Variants in ALCAM observed in about 807,000 individuals in gnomAD.
ALCAM encodes the protein CD166 antigen.
ALCAM carries 30 observed loss-of-function variants against 70.9 expected under a neutral mutation model. That is an observed-to-expected ratio of 0.42 (90% confidence interval 0.32 to 0.57). ALCAM has a LOEUF of 0.57. Among genes scored for constraint, ALCAM ranks in the 20% least tolerant of loss-of-function variants. The pLI, the probability that ALCAM is intolerant of heterozygous loss-of-function variation, is 0.11. For missense variants in ALCAM, 591 were observed against 695.1 expected, an observed-to-expected ratio of 0.85 and a Z score of 1.68; for synonymous variants, 249 against 242.5, an observed-to-expected ratio of 1.03 and a Z score of -0.25.
At chr3:105,480,306 C>T (rs1938235771) in intron 1 of ALCAM, among the ~76,000 whole-genome samples, 3 of 151,836 alleles carry the variant, frequency 2.0e-5, no homozygotes, top group South Asian at 4.2e-4. Flanking sequence ...GCCGAGATCA[C>T]GCCATTGCAC....
intron 1 of ALCAM, among the ~76,000 whole-genome samples, chr3:105,377,227 T>C (rs1387091879): frequency 1.3e-5 from 2 of 152,158 alleles, no homozygotes; most frequent in Non-Finnish European, 2.9e-5. Context: ...TCATCATTAA[T>C]GTAACCATTT....
chr3:105,366,918 C>G lies in ALCAM; in HGVS notation c.-491C>G, dbSNP rs1935067947. On this transcript the variant is annotated 5_prime_UTR_variant, in exon 1 of 16. Transcript: ENST00000306107. The stretch of plus-strand genomic sequence containing the variant: ...TCCAGTCCCTCTACTCAGAGCAGCC[C>G]GGAGACCGCTGCCGCCGCTGCCGCT... 6.2e-6 allele frequency: 1 copy of G among 161,574 alleles called. No homozygotes were observed. The highest frequency in any genetic ancestry group is 1.4e-4 in the South Asian group (1 of 7,354). The allele number at this position is 161,574 out of a possible 1,614,324, so 10.0% of individuals were successfully genotyped here.
At chr3:105,480,836 T>C (rs918482737) in intron 1 of ALCAM, among the ~76,000 whole-genome samples, 8 of 152,196 alleles carry the variant, frequency 5.3e-5, no homozygotes, top group Admixed American at 5.2e-4. Context: ...ATATAAGTAC[T>C]ATTGTTTGTT....
chr3:105,464,399 G>A (rs890485324), intron 1 of ALCAM, among the ~76,000 whole-genome samples: 5 of 151,084 alleles, frequency 3.3e-5, no homozygotes, highest in Non-Finnish European at 7.4e-5. Context: ...TAACAAAGAC[G>A]TACAGGTGAC....
In ALCAM at chr3:105,454,653, ATTTTTTTTTTTTT is replaced by A. The variant is rs59389132; in HGVS notation, c.74-65392_74-65380del. 4.8e-3 allele frequency among the ~76,000 whole-genome samples: 294 copies of A among 61,824 alleles called. 1 individual carries two copies. The highest frequency in any genetic ancestry group is 0.019 in the African/African-American group (271 of 14,640). The allele number at this position is 61,824 out of a possible 152,430, so 40.6% of individuals were successfully genotyped here. A position where few individuals can be genotyped will look rare whatever the true frequency, so the allele number is the denominator to read the frequency against. On this transcript the variant is annotated intron_variant, in intron 1 of 15. Transcript: ENST00000306107. ...ATTGGCACATAGTAGATGCTCATTAATTTTTTTTTTTTTTTTTTTTTTTTTTTTTTTTTTGAGA... is the reference window on the plus strand; with the variant it reads ...ATTGGCACATAGTAGATGCTCATTAATTTTTTTTTTTTTTTTTTTTTGAGA...
chr3:105,500,745 T>G (rs991556134), intron 1 of ALCAM, among the ~76,000 whole-genome samples: 9 of 152,224 alleles, frequency 5.9e-5, no homozygotes, highest in Non-Finnish European at 1.0e-4. Context: ...CTTCTTTAGT[T>G]ACAGGATGAG....
chr3:105,540,153 T>G (rs1360358916), intron 7 of ALCAM, 51 bp downstream of exon 7: 1 of 1,566,902 alleles, frequency 6.4e-7, no homozygotes, highest in African/African-American at 1.4e-5. Context: ...TTTCCTGTTG[T>G]TTGACTTCTA....
intron 1 of ALCAM, among the ~76,000 whole-genome samples, chr3:105,435,014 T>C (rs1049603909): frequency 1.3e-5 from 2 of 152,190 alleles, no homozygotes; most frequent in Non-Finnish European, 2.9e-5. Flanking sequence ...TGCTATATTA[T>C]AGTCTTTGCC....
At chr3:105,425,572 G>A (rs187399052) in intron 1 of ALCAM, among the ~76,000 whole-genome samples, 579 of 151,930 alleles carry the variant, frequency 3.8e-3, no homozygotes, top group Non-Finnish European at 6.4e-3. Flanking sequence ...TAAAACTACA[G>A]ATGAAAGCAT....
At chr3:105,545,601 C>T (rs944976851) in intron 9 of ALCAM, among the ~76,000 whole-genome samples, 1 of 151,388 alleles carries the variant, frequency 6.6e-6, no homozygotes, top group Non-Finnish European at 1.5e-5. Flanking sequence ...ACACACCACA[C>T]GCATGTGTGC....
chr3:105,380,672 T>C (rs975590661), intron 1 of ALCAM, among the ~76,000 whole-genome samples: 1 of 151,914 alleles, frequency 6.6e-6, no homozygotes, highest in African/African-American at 2.4e-5. Flanking sequence ...TTTATTACAT[T>C]CTATAGAAAA....
At chr3:105,532,250 T>G (rs924850292) in intron 4 of ALCAM, among the ~76,000 whole-genome samples, 184 bp downstream of exon 4, 5 of 152,060 alleles carry the variant, frequency 3.3e-5, no homozygotes, top group African/African-American at 9.7e-5. Flanking sequence ...CAGGTAACCA[T>G]GAGGACATCA....
intron 14 of ALCAM, chr3:105,552,988 G>A (rs187736327): frequency 2.2e-4 from 224 of 1,013,660 alleles, no homozygotes; most frequent in Middle Eastern, 5.0e-4. Flanking sequence ...GACACATCTG[G>A]CCAGCAATGA....
In ALCAM at chr3:105,538,939, T is replaced by C. The variant is rs1940044938; in HGVS notation, c.731-1036T>C. Among the ~76,000 whole-genome samples the C allele has an allele frequency of 2.0e-5, 3 of 152,256 alleles. No individual in the cohort carries two copies. The South Asian group carries it at 6.2e-4, about 32-fold the overall frequency. On this transcript the variant is annotated intron_variant, in intron 6 of 15. Coordinates refer to ENST00000306107, the MANE Select transcript of ALCAM (RefSeq NM_001627.4). ...CTTCTAAGTTTTTTTATCTGCACTT[T>C]ATCTATAGAAAGGTAAATAAATGAC...
intron 1 of ALCAM, among the ~76,000 whole-genome samples, chr3:105,513,612 A>G (rs964626308): frequency 1.3e-5 from 2 of 151,966 alleles, no homozygotes; most frequent in Admixed American, 1.3e-4. Flanking sequence ...TGAGTGCAGT[A>G]GAATCTGCAT....
At chr3:105,547,803 A>G (rs1315329408) in intron 11 of ALCAM, among the ~76,000 whole-genome samples, 1 of 151,482 alleles carries the variant, frequency 6.6e-6, no homozygotes, top group Non-Finnish European at 1.5e-5. Context: ...AAAAGAATAT[A>G]AATTAGGTAT....
At chr3:105,502,172 C>G (rs534176506) in intron 1 of ALCAM, among the ~76,000 whole-genome samples, 1 of 152,126 alleles carries the variant, frequency 6.6e-6, no homozygotes, top group Non-Finnish European at 1.5e-5. Context: ...AATATTTAAG[C>G]CTTGTCTTAT....
intron 1 of ALCAM, among the ~76,000 whole-genome samples, chr3:105,493,327 C>T (rs567471455): frequency 3.3e-5 from 5 of 152,202 alleles, no homozygotes; most frequent in African/African-American, 7.2e-5. Context: ...ATAATAATCA[C>T]ATTTATTAAG....
intron 1 of ALCAM, among the ~76,000 whole-genome samples, chr3:105,495,927 T>G (rs552263215): frequency 1.3e-5 from 2 of 152,358 alleles, no homozygotes; most frequent in Non-Finnish European, 2.9e-5. Flanking sequence ...TTTCAACAAT[T>G]GGCTGTTCTC....
Sources: gnomAD v4.1 joint callset for allele counts (sites outside exome capture counted in the v4.1 genomes callset) on GRCh38, gnomAD v4.1.1 for gene constraint, MANE v1.5 for transcripts, NCBI Gene and HGNC (gene_info 2026-07-23, HGNC 2026-07-21) for gene names.